GABRB1: variants seen among roughly 807,000 people sequenced by gnomAD.
GABRB1 encodes gamma-aminobutyric acid type A receptor subunit beta1, also known as gamma-aminobutyric acid receptor subunit beta-1.
A neutral mutation model predicts 51.6 loss-of-function variants in GABRB1; 17 were observed. The ratio of observed to expected loss-of-function variants is 0.33; its 90% CI spans 0.23 to 0.49. The LOEUF is 0.49. Ranked by LOEUF, GABRB1 falls within the 20% of genes least tolerant of loss-of-function variation. GABRB1 has a pLI of 0.99. For synonymous variants in GABRB1, 247 were observed against 218.9 expected, an observed-to-expected ratio of 1.13 and a Z score of -1.14; for missense variants, 410 against 600.6, an observed-to-expected ratio of 0.68 and a Z score of 3.32.
chr4:47,366,000 T>C (rs1726967849), intron 5 of GABRB1, among the ~76,000 whole-genome samples: 1 of 152,202 alleles, frequency 6.6e-6, no homozygotes, highest in South Asian at 2.1e-4. Context: ...ACATTGAGTG[T>C]GCCATCTGTT....
chr4:47,280,144 T>C (rs1723228409), intron 4 of GABRB1, among the ~76,000 whole-genome samples: 1 of 152,064 alleles, frequency 6.6e-6, no homozygotes, highest in Non-Finnish European at 1.5e-5. Flanking sequence ...TTGAAATCTT[T>C]ATCTTTTGTG....
chr4:47,399,639 T>TTC (rs1160009876), intron 5 of GABRB1, among the ~76,000 whole-genome samples: 1 of 152,210 alleles, frequency 6.6e-6, no homozygotes, highest in Non-Finnish European at 1.5e-5. Flanking sequence ...GTAGAAGAGT[T>TTC]TCCTCATGCA....
At chr4:47,195,927 A>C (rs1209367061) in intron 4 of GABRB1, among the ~76,000 whole-genome samples, 1 of 152,256 alleles carries the variant, frequency 6.6e-6, no homozygotes, top group Admixed American at 6.5e-5. Flanking sequence ...CTCAAAATGC[A>C]ACACTGTTTC....
intron 5 of GABRB1, among the ~76,000 whole-genome samples, chr4:47,396,533 A>T (rs902743119): frequency 3.3e-5 from 5 of 152,180 alleles, no homozygotes; most frequent in Non-Finnish European, 7.4e-5. Context: ...TTCTAGAAGG[A>T]AATTTCTAGA....
At chr4:47,417,253 G>A (rs893769623) in intron 8 of GABRB1, among the ~76,000 whole-genome samples, 1 of 152,138 alleles carries the variant, frequency 6.6e-6, no homozygotes, top group African/African-American at 2.4e-5. Context: ...GCAACTGGAA[G>A]CCACAGCCTT....
chr4:47,420,814 A>G (rs1729069314), intron 8 of GABRB1, among the ~76,000 whole-genome samples: 1 of 152,204 alleles, frequency 6.6e-6, no homozygotes, highest in African/African-American at 2.4e-5. Context: ...CAGAGCCAAC[A>G]AGAAACTTGT....
intron 5 of GABRB1, among the ~76,000 whole-genome samples, chr4:47,390,260 A>G (rs1478110279): frequency 6.6e-6 from 1 of 152,186 alleles, no homozygotes. Flanking sequence ...GCCTAAGCCA[A>G]TCAAGATCCA....
chr4:47,272,592 A>G (rs1470827999), intron 4 of GABRB1, among the ~76,000 whole-genome samples: 5 of 152,160 alleles, frequency 3.3e-5, no homozygotes, highest in African/African-American at 1.2e-4. Context: ...ATTTTGATCT[A>G]TAGAAAGGAG....
intron 4 of GABRB1, among the ~76,000 whole-genome samples, chr4:47,246,638 C>A (rs1721772184): frequency 6.6e-6 from 1 of 151,448 alleles, no homozygotes; most frequent in Non-Finnish European, 1.5e-5. Flanking sequence ...AGTTTACATT[C>A]CCACCAGCAA....
intron 5 of GABRB1, among the ~76,000 whole-genome samples, chr4:47,331,836 G>A (rs1247909280): frequency 6.6e-6 from 1 of 152,148 alleles, no homozygotes; most frequent in Non-Finnish European, 1.5e-5. Flanking sequence ...AACCATCAAG[G>A]TAGTAACTAG....
chr4:47,403,571 GACTGTC>G lies in GABRB1; in HGVS notation c.699_704del (p.Leu235_Ser236del). 1 of 1,613,898 alleles carries G rather than the reference GACTGTC, an allele frequency of 6.2e-7. No individual in the cohort carries two copies. The highest frequency in any genetic ancestry group is 8.5e-7 in the Non-Finnish European group (1 of 1,179,894). On this transcript the variant is annotated inframe_deletion, in exon 7 of 9. Transcript: ENST00000295454. The stretch of plus-strand genomic sequence containing the variant: ...TTTCTCAACTCAGGAGCGTATCCAC[GACTGTC>G]ACTAAGTTTTCGTCTAAAGAGAAAC...
Position 47,164,332 on chromosome 4 carries a change from T to C in GABRB1, c.461+2863T>C, listed in dbSNP as rs186861053. 1.2e-4 allele frequency among the ~76,000 whole-genome samples: 19 copies of C among 152,256 alleles called. No homozygotes were observed. In the East Asian group the frequency reaches 3.5e-3, roughly 28 times the overall value. The stretch of plus-strand genomic sequence containing the variant: ...ATGTAACATTTCCTAGTCTAAGAAA[T>C]GACAGTCTGCATTTTTCCTAGGTAA... On this transcript the variant is annotated intron_variant, in intron 4 of 8. Transcript: ENST00000295454.
intron 5 of GABRB1, among the ~76,000 whole-genome samples, chr4:47,379,350 C>T (rs1407675483): frequency 6.6e-6 from 1 of 152,152 alleles, no homozygotes. Flanking sequence ...AGTACCAATA[C>T]AGCCATTCAG....
At chr4:47,023,096 C>G (rs1312054119) in intron 1 of GABRB1, among the ~76,000 whole-genome samples, 2 of 152,052 alleles carry the variant, frequency 1.3e-5, no homozygotes, top group Non-Finnish European at 2.9e-5. Context: ...ATCACATGTT[C>G]TCACTTATTT....
chr4:47,219,717 C>T (rs1720696242), intron 4 of GABRB1, among the ~76,000 whole-genome samples: 1 of 151,928 alleles, frequency 6.6e-6, no homozygotes, highest in African/African-American at 2.4e-5. Context: ...ATTCTAAACA[C>T]ACACCAACAT....
intron 3 of GABRB1, among the ~76,000 whole-genome samples, chr4:47,125,555 A>ATTTTT (rs570181191): frequency 1.9e-4 from 4 of 21,014 alleles, no homozygotes; most frequent in Admixed American, 9.1e-4. Flanking sequence ...ACAAAGTATA[A>ATTTTT]TTTCTTTTTT....
At chr4:47,064,703 T>C (rs77049584) in intron 3 of GABRB1, among the ~76,000 whole-genome samples, 358 of 150,936 alleles carry the variant, frequency 2.4e-3, no homozygotes, top group Middle Eastern at 6.9e-3. Flanking sequence ...CTAATATTTA[T>C]ATTAGCTGTG....
At chr4:47,070,970 A>G (rs922485771) in intron 3 of GABRB1, among the ~76,000 whole-genome samples, 3 of 152,216 alleles carry the variant, frequency 2.0e-5, no homozygotes, top group Non-Finnish European at 4.4e-5. Context: ...AATTTAACAT[A>G]TCCAAACAAA....
At chr4:47,184,853 C>T (rs151213312) in intron 4 of GABRB1, among the ~76,000 whole-genome samples, 2 of 151,790 alleles carry the variant, frequency 1.3e-5, no homozygotes, top group Non-Finnish European at 2.9e-5. Context: ...TCAGAGACTG[C>T]CACATACATA....
Sources: gnomAD v4.1 joint callset for allele counts (sites outside exome capture counted in the v4.1 genomes callset) on GRCh38, gnomAD v4.1.1 for gene constraint, MANE v1.5 for transcripts, NCBI Gene and HGNC (gene_info 2026-07-23, HGNC 2026-07-21) for gene names.